The following POLR3K variants were observed in gnomAD, a reference collection of about 807,000 sequenced individuals.
The protein encoded by POLR3K is RNA polymerase III subunit K, also known as DNA-directed RNA polymerase III subunit RPC10.
POLR3K carries 11 observed loss-of-function variants against 13.5 expected under a neutral mutation model. That is an observed-to-expected ratio of 0.81 (90% confidence interval 0.51 to 1.35). POLR3K has a LOEUF of 1.35. POLR3K is among the 40% of genes most tolerant of loss of function. The probability of loss-of-function intolerance (pLI) is 0.00; values close to 1 mark genes in which losing one functional copy is unlikely to be tolerated. For synonymous variants in POLR3K, 56 were observed against 51.5 expected (o/e 1.09, Z -0.38); for missense variants, 144 against 145.3 (o/e 0.99, Z 0.05).
At chr16:51,982 T>C in intron 1 of POLR3K, 1 of 184,314 alleles carries the variant, frequency 5.4e-6, no homozygotes, top group East Asian at 1.6e-4. Flanking sequence ...ATCACACCAC[T>C]GCACTCCAGC....
intron 2 of POLR3K, 99 bp from the exon 3 acceptor site, chr16:47,656 C>A (rs886334768): frequency 2.6e-5 from 34 of 1,283,248 alleles, no homozygotes; most frequent in Non-Finnish European, 3.5e-5. Flanking sequence ...CCAAGGCGGG[C>A]GGATCACCTG....
At chr16:51,067 C>G (rs1897326866) in intron 2 of POLR3K, among the ~76,000 whole-genome samples, 1 of 152,186 alleles carries the variant, frequency 6.6e-6, no homozygotes, top group African/African-American at 2.4e-5. Context: ...CCCAGGACAC[C>G]TGGGGATTAC....
At chr16:48,539 C>T (rs996450980) in intron 2 of POLR3K, among the ~76,000 whole-genome samples, 2 of 151,894 alleles carry the variant, frequency 1.3e-5, no homozygotes, top group Non-Finnish European at 2.9e-5. Context: ...GGGCCGGGCG[C>T]GGTGGCTCAC....
intron 2 of POLR3K, 87 bp from the exon 3 acceptor site, chr16:47,644 G>A: frequency 2.9e-6 from 4 of 1,389,884 alleles, no homozygotes; most frequent in East Asian, 2.9e-5. Flanking sequence ...ATATGTGGGA[G>A]GCCAAGGCGG....
intron 2 of POLR3K, among the ~76,000 whole-genome samples, chr16:50,853 C>A (rs551351977): frequency 6.6e-6 from 1 of 152,324 alleles, no homozygotes; most frequent in South Asian, 2.1e-4. Context: ...ACTCACAGTT[C>A]TGCGTGGCTG....
At position 51,822 on chromosome 16, in the gene POLR3K, C is replaced by G. The variant is rs567192869; in HGVS notation, c.112-177G>C. The stretch of plus-strand genomic sequence containing the variant: ...GATCACGAGGTCAAGAGATCGAGAC[C>G]ATCCTGGCTAACACGGTGAAACCCT... On this transcript the variant is annotated intron_variant, in intron 1 of 2. Coordinates refer to ENST00000293860, the MANE Select transcript of POLR3K (RefSeq NM_016310.5). 57 of 532,256 alleles carry G rather than the reference C, an allele frequency of 1.1e-4. No individual in the cohort carries two copies. In the African/African-American group the frequency reaches 1.1e-3, roughly 10 times the overall value. The allele number at this position is 532,256 out of a possible 1,614,324, so 33.0% of individuals were successfully genotyped here.
In POLR3K at chr16:47,555, A is replaced by T; in HGVS notation, c.202T>A (p.Ser68Thr). 6.2e-7 allele frequency: 1 copy of T among 1,612,150 alleles called. No homozygotes were observed. Among genetic ancestry groups the T allele is most frequent in the South Asian group, 1.1e-5 (1 of 91,020 alleles). Residue 68 changes from serine (S) to threonine (T), a missense_variant and splice_region_variant, in exon 3 of 3, where the codon TCG becomes ACG. Transcript: ENST00000293860. ...CGAGGATGTTCGCATTTGGGACACG[A>T]CTCTGGCAATGAGAAAAAAGAAGTG... ...AWENVDSTAE[S>T]CPKCEHPRAY...
At chr16:47,622 AG>A (rs1434719621) in intron 2 of POLR3K, 65 bp from the exon 3 acceptor site, 1 of 1,556,984 alleles carries the variant, frequency 6.4e-7, no homozygotes. Flanking sequence ...TGTCAAAAGT[AG>A]GTATTACTTA....
rs1596456284 is a variant in POLR3K at position 47,283 on chromosome 16, C to T, written c.*147G>A. The T allele has an allele frequency of 7.5e-6, 8 of 1,062,112 alleles. No homozygotes were observed. In the South Asian group the frequency reaches 1.5e-4, roughly 19 times the overall value. The allele number at this position is 1,062,112 out of a possible 1,614,324, so 65.8% of individuals were successfully genotyped here. A position where few individuals can be genotyped will look rare whatever the true frequency, so the allele number is the denominator to read the frequency against. The stretch of plus-strand genomic sequence containing the variant: ...CCTGCCTGGCAGATAGGCCATATTT[C>T]CTGACCCCCTGGCTCTTCACCTCAA... On this transcript the variant is annotated 3_prime_UTR_variant, in exon 3 of 3. Coordinates refer to ENST00000293860, the MANE Select transcript of POLR3K (RefSeq NM_016310.5).
intron 2 of POLR3K, among the ~76,000 whole-genome samples, chr16:48,627 T>C (rs532452038): frequency 5.6e-4 from 84 of 151,122 alleles, no homozygotes; most frequent in African/African-American, 6.6e-4. Context: ...CTGGCTAACA[T>C]GGTGAAACCC....
intron 2 of POLR3K, among the ~76,000 whole-genome samples, chr16:51,223 T>C (rs529404292): frequency 1.8e-4 from 27 of 152,338 alleles, no homozygotes; most frequent in Non-Finnish European, 3.5e-4. Context: ...TGAGTGCCTC[T>C]TATATACCAA....
At position 53,601 on chromosome 16, in the gene POLR3K, C is replaced by A; in HGVS notation, c.-15G>T. 6.2e-7 allele frequency: 1 copy of A among 1,601,268 alleles called. No homozygotes were observed. Among genetic ancestry groups the A allele is most frequent in the Non-Finnish European group, 8.5e-7 (1 of 1,174,142 alleles). On this transcript the variant is annotated 5_prime_UTR_variant, in exon 1 of 3. Coordinates refer to ENST00000293860, the MANE Select transcript of POLR3K (RefSeq NM_016310.5). ...AACAGCAGCATGGTCTCGAACTCCG[C>A]AGGCTCCAACTCCCGGCAGCTCCCA... is the stretch of plus-strand genomic sequence containing the variant.
intron 2 of POLR3K, among the ~76,000 whole-genome samples, chr16:50,471 C>T (rs767683208): frequency 4.6e-5 from 7 of 152,140 alleles, no homozygotes; most frequent in Admixed American, 1.3e-4. Context: ...TGTATTAGTC[C>T]GTTCTCACAC....
intron 2 of POLR3K, among the ~76,000 whole-genome samples, chr16:48,197 T>C (rs1044418040): frequency 3.9e-5 from 6 of 151,978 alleles, no homozygotes; most frequent in Non-Finnish European, 7.4e-5. Flanking sequence ...GACTACTTAA[T>C]ATCTTTAAAG....
At chr16:47,687 T>G (rs560817362) in intron 2 of POLR3K, 130 bp from the exon 3 acceptor site, 25 of 874,100 alleles carry the variant, frequency 2.9e-5, no homozygotes, top group African/African-American at 2.6e-4. Flanking sequence ...TTCGAGACCA[T>G]CCTGGCCAAC....
intron 2 of POLR3K, among the ~76,000 whole-genome samples, chr16:50,886 A>C (rs1182055524): frequency 6.6e-6 from 1 of 152,202 alleles, no homozygotes; most frequent in Middle Eastern, 3.2e-3. Context: ...GAAACCTACA[A>C]TCATGGCGAA....
intron 2 of POLR3K, among the ~76,000 whole-genome samples, chr16:47,849 C>CA (rs750499325): frequency 0.016 from 545 of 34,690 alleles, 13 homozygotes; most frequent in African/African-American, 0.018. Flanking sequence ...CCACTGCACT[C>CA]AAAAAAAAAA....
intron 1 of POLR3K, 153 bp downstream of exon 1, chr16:53,323 A>C (rs1768513031): frequency 7.3e-6 from 10 of 1,365,658 alleles, no homozygotes; most frequent in Non-Finnish European, 7.7e-6. Flanking sequence ...TGTATTGGAA[A>C]GTAGAGCCCA....
Position 51,648 on chromosome 16 carries a change from A to C in POLR3K, c.112-3T>G, listed in dbSNP as rs1897331823. The C allele has an allele frequency of 6.2e-7, 1 of 1,611,284 alleles. No homozygotes were observed. On this transcript the variant is annotated splice_region_variant and splice_polypyrimidine_tract_variant and intron_variant, in intron 1 of 2. Transcript: ENST00000293860. The stretch of plus-strand genomic sequence containing the variant: ...TTTGGGTACTTCCGATTTGTTACCT[A>C]ACAAAAACAACACTTCAGACTCCAA...
Sources: gnomAD v4.1 joint callset for allele counts (sites outside exome capture counted in the v4.1 genomes callset) on GRCh38, gnomAD v4.1.1 for gene constraint, MANE v1.5 for transcripts, NCBI Gene and HGNC (gene_info 2026-07-23, HGNC 2026-07-21) for gene names.